Variants in ARL17A observed in about 807,000 individuals in gnomAD.
ARL17A encodes the protein ADP-ribosylation factor-like 17-like.
chr17:46,543,691 T>C (rs2055832907), intron 3 of ARL17A, among the ~76,000 whole-genome samples: 1 of 150,982 alleles, frequency 6.6e-6, no homozygotes, highest in Non-Finnish European at 1.5e-5. Context: ...AAAGCTAATG[T>C]GGCAAAGTAT....
At chr17:46,539,768 C>CAA (rs1204528686) in intron 3 of ARL17A, among the ~76,000 whole-genome samples, 14 of 67,030 alleles carry the variant, frequency 2.1e-4, no homozygotes, top group Non-Finnish European at 1.1e-4. Flanking sequence ...GACTCCATCT[C>CAA]AAAAAAAAAA....
chr17:46,550,772 A>AT (rs1369577509), downstream of ARL17A, among the ~76,000 whole-genome samples: 49 of 80,828 alleles, frequency 6.1e-4, no homozygotes, highest in Middle Eastern at 9.6e-3. Flanking sequence ...TAAGAAGTCG[A>AT]AAATTTCTCC....
intron 3 of ARL17A, among the ~76,000 whole-genome samples, chr17:46,558,530 G>C (rs1160524552): frequency 8.3e-6 from 1 of 119,802 alleles, no homozygotes; most frequent in Non-Finnish European, 1.7e-5. Flanking sequence ...GGGATTACAG[G>C]CACCCACCAC....
chr17:46,554,204 G>GCA lies in ARL17A; in HGVS notation c.*3151_*3152insTG, dbSNP rs1380859112. 3.3e-5 allele frequency: 10 copies of GCA among 303,018 alleles called. No individual in the cohort carries two copies. Among genetic ancestry groups the GCA allele is most frequent in the Non-Finnish European group, 4.1e-5 (10 of 242,354 alleles). 18.8% of individuals were successfully genotyped at this position (303,018 alleles called of 1,614,324 possible). ...CACGCCTGTAATCACAGCACTTTGG[G>GCA]ATCACTTGAGGTTAGGAGCTCGTGA... is the stretch of plus-strand genomic sequence containing the variant. On this transcript the variant is annotated 3_prime_UTR_variant, in exon 4 of 4. Coordinates refer to ENST00000336125, the MANE Select transcript of ARL17A (RefSeq NM_001113738.2).
rs1399521770 is a variant in ARL17A, at chr17:46,543,831, G to C, written c.260-5405C>G. The stretch of plus-strand genomic sequence containing the variant: ...AAATAAAAACTTGGGGGCAGAAAAA[G>C]AATACCAAAAATTTTGGGCTCATGC... On this transcript the variant is annotated intron_variant, in intron 3 of 4. Transcript: ENST00000329240. 4.0e-5 allele frequency among the ~76,000 whole-genome samples: 6 copies of C among 150,580 alleles called. 1 individual carries two copies. Among genetic ancestry groups the C allele is most frequent in the African/African-American group, 1.5e-4 (6 of 39,930 alleles).
intron 3 of ARL17A, among the ~76,000 whole-genome samples, chr17:46,520,938 T>C (rs2052189371): frequency 1.2e-5 from 1 of 81,258 alleles, no homozygotes; most frequent in African/African-American, 3.6e-5. Flanking sequence ...ATAGCTGAAT[T>C]ATATCAATAT....
At position 46,558,512 on chromosome 17, in the gene ARL17A, G is replaced by A. The variant is rs1414537546; in HGVS notation, c.260-882C>T. On this transcript the variant is annotated intron_variant, in intron 3 of 3. Coordinates refer to ENST00000336125, the MANE Select transcript of ARL17A (RefSeq NM_001113738.2). Reference sequence around the variant, plus strand: ...AGTGATTCTCCTGCCTCAGCCTCCCGAATAGCTGGGATTACAGGCACCCAC... The same window carrying A: ...AGTGATTCTCCTGCCTCAGCCTCCCAAATAGCTGGGATTACAGGCACCCAC... Among the ~76,000 whole-genome samples the A allele has an allele frequency of 2.1e-4, 24 of 116,484 alleles. 2 individuals are homozygous for A. In the South Asian group the frequency reaches 5.4e-3, roughly 26 times the overall value. 76.4% of individuals were successfully genotyped at this position (116,484 alleles called of 152,430 possible).
chr17:46,515,154 G>GT, downstream of ARL17A: 2 of 475,194 alleles, frequency 4.2e-6, 1 homozygote, highest in Non-Finnish European at 6.8e-6. Context: ...CCCAAAATAA[G>GT]GCTTTAACTG....
intron 3 of ARL17A, among the ~76,000 whole-genome samples, chr17:46,545,789 G>C (rs1161129749): frequency 1.4e-5 from 2 of 147,942 alleles, no homozygotes; most frequent in East Asian, 3.9e-4. Context: ...TTTGACCAAT[G>C]CAGTCTTTGT....
At position 46,532,130 on chromosome 17, in the gene ARL17A, C is replaced by G. The variant is rs1411103291; in HGVS notation, c.336-3271G>C. Among the ~76,000 whole-genome samples, 7 of 149,954 alleles carry G rather than the reference C, an allele frequency of 4.7e-5. 1 individual carries two copies. The highest frequency in any genetic ancestry group is 1.8e-4 in the African/African-American group (7 of 39,702). ...ATCAGGCTGCTCTCGAACTCCTAAC[C>G]TCAGATGATCCACCTGCTTCAGCCT... On this transcript the variant is annotated intron_variant, in intron 4 of 4. Coordinates refer to the ARL17A transcript ENST00000329240.
In ARL17A at chr17:46,534,209, T is replaced by G. The variant is rs572334840; in HGVS notation, c.335+4142A>C. Among the ~76,000 whole-genome samples, 31 of 148,972 alleles carry G rather than the reference T, an allele frequency of 2.1e-4. 1 individual carries two copies. The East Asian group carries it at 4.5e-3, about 22-fold the overall frequency. On this transcript the variant is annotated intron_variant, in intron 4 of 4. Coordinates refer to the ARL17A transcript ENST00000329240. ...TGTTTTTGTTTTTGTTTTTTTTAAT[T>G]TTTTTTTATTGATCATTCTTGGGTG...
chr17:46,543,804 T>G (rs2055863554), intron 3 of ARL17A, among the ~76,000 whole-genome samples: 1 of 150,844 alleles, frequency 6.6e-6, no homozygotes, highest in Admixed American at 6.6e-5. Flanking sequence ...AGAAAATGTT[T>G]AAAATAAAAA....
At chr17:46,500,858 A>C in the ARL17A span, among the ~76,000 whole-genome samples, 1 of 151,144 alleles carries the variant, frequency 6.6e-6, no homozygotes, top group African/African-American at 2.5e-5. Context: ...ATGGTTCCCC[A>C]AACAGCACAA....
At position 46,539,186 on chromosome 17, in the gene ARL17A, G is replaced by A. The variant is rs1300037676; in HGVS notation, c.260-760C>T. Among the ~76,000 whole-genome samples the A allele has an allele frequency of 1.9e-4, 14 of 73,608 alleles. 5 individuals are homozygous for A. The highest frequency in any genetic ancestry group is 4.3e-4 in the Non-Finnish European group (12 of 27,668). The allele number at this position is 73,608 out of a possible 152,430, so 48.3% of individuals were successfully genotyped here. On this transcript the variant is annotated intron_variant, in intron 3 of 4. Coordinates refer to the ARL17A transcript ENST00000329240. ...AGATTGCACCACTGCACTCCAGCCT[G>A]GGTGACAGAGTGAGACTCCATCTCA...
chr17:46,541,624 C>CA (rs1391169813), intron 3 of ARL17A, among the ~76,000 whole-genome samples: 3 of 150,778 alleles, frequency 2.0e-5, no homozygotes, highest in Non-Finnish European at 4.4e-5. Flanking sequence ...GCTGGCCCTC[C>CA]ATATCTGCAG....
chr17:46,541,135 C>T (rs1452825171), intron 3 of ARL17A, among the ~76,000 whole-genome samples: 1 of 132,534 alleles, frequency 7.5e-6, no homozygotes, highest in Non-Finnish European at 1.5e-5. Flanking sequence ...CCACCATCAG[C>T]CCCTGTTAGC....
chr17:46,500,857 C>T, the ARL17A span, among the ~76,000 whole-genome samples: 2 of 150,956 alleles, frequency 1.3e-5, no homozygotes, highest in Non-Finnish European at 2.9e-5. Context: ...TATGGTTCCC[C>T]AAACAGCACA....
At chr17:46,572,980 AGGGAGGGAGGG>A (rs1568005327) in intron 2 of ARL17A, among the ~76,000 whole-genome samples, 1 of 102,106 alleles carries the variant, frequency 9.8e-6, no homozygotes, top group African/African-American at 3.9e-5. Context: ...AAAGGGAGGG[AGGGAGGGAGGG>A]AGGGAGGAAG....
At chr17:46,569,293 G>T (rs1265438166) in intron 3 of ARL17A, among the ~76,000 whole-genome samples, 2 of 149,784 alleles carry the variant, frequency 1.3e-5, no homozygotes, top group Non-Finnish European at 3.0e-5. Flanking sequence ...AGGACTAGGT[G>T]CTAGATATTA....
Sources: allele counts gnomAD v4.1 joint callset (sites outside exome capture counted in the v4.1 genomes callset), GRCh38; gene constraint gnomAD v4.1.1; transcripts MANE v1.5; gene names NCBI Gene and HGNC (gene_info 2026-07-23, HGNC 2026-07-21).